NWD2: variants seen among roughly 807,000 people sequenced by gnomAD.
NWD2 encodes the protein NACHT and WD repeat domain containing 2.
NWD2 carries 37 observed loss-of-function variants against 132.7 expected under a neutral mutation model. That is an observed-to-expected ratio of 0.28 (90% CI 0.21 to 0.37). The LOEUF (loss-of-function observed/expected upper bound fraction) is 0.37, where lower values mean the gene tolerates loss of function less well. Ranked by LOEUF, NWD2 falls within the 10% of genes least tolerant of loss-of-function variation. The probability of loss-of-function intolerance (pLI) is 1.00; values close to 1 mark genes in which losing one functional copy is unlikely to be tolerated. For synonymous variants in NWD2, 705 were observed against 803.0 expected (o/e 0.88, Z 2.06); for missense variants, 1,592 against 2,122.4 (o/e 0.75, Z 4.91).
intron 6 of NWD2, among the ~76,000 whole-genome samples, chr4:37,441,247 G>T (rs1712477050): frequency 6.6e-6 from 1 of 152,164 alleles, no homozygotes; most frequent in African/African-American, 2.4e-5. Flanking sequence ...TGCATAAATT[G>T]TGTATGCATA....
chr4:37,387,927 G>A (rs145894420), intron 3 of NWD2, among the ~76,000 whole-genome samples: 1 of 149,612 alleles, frequency 6.7e-6, no homozygotes, highest in East Asian at 2.0e-4. Context: ...ACCTGCCTTG[G>A]CCTTGAAATA....
intron 1 of NWD2, among the ~76,000 whole-genome samples, chr4:37,309,502 G>A (rs1202714984): frequency 6.6e-6 from 1 of 152,184 alleles, no homozygotes; most frequent in East Asian, 1.9e-4. Flanking sequence ...CAGAGAAGCA[G>A]GCCCTTTGGG....
intron 1 of NWD2, among the ~76,000 whole-genome samples, chr4:37,308,829 G>A (rs540811967): frequency 6.6e-6 from 1 of 152,292 alleles, no homozygotes; most frequent in Non-Finnish European, 1.5e-5. Context: ...CTGGTACTCA[G>A]GCTTCTAAGG....
Position 37,444,513 on chromosome 4 carries a change from C to T in NWD2, c.2525C>T (p.Thr842Met), listed in dbSNP as rs74640092. 322 of 1,551,752 alleles carry T rather than the reference C, an allele frequency of 2.1e-4. No homozygotes were observed. The East Asian group carries it at 7.6e-3, about 37-fold the overall frequency. The change falls in exon 7 of 7, where the codon ACG (threonine) becomes ATG (methionine). Residue 842 changes from threonine (T) to methionine (M), a missense_variant. Thr to Met is a moderately conservative substitution (Grantham distance 81). This residue lies in a region of NWD2 where 1,071 missense variants were observed against 1,398.0 expected (regional missense o/e 0.77). Transcript: ENST00000309447. This position sits in a 1 kb window ranked among gnomAD's most constrained non-coding sequence, Gnocchi z 4.8. The stretch of plus-strand genomic sequence containing the variant: ...ATGTCTGAGCTGTTGTACCACTTGA[C>T]GAGGTGTGGAAAAACCGATGACCTG... ...RKMSELLYHL[T>M]RCGKTDDLLY...
chr4:37,343,982 A>C (rs1385200305), intron 2 of NWD2, among the ~76,000 whole-genome samples: 1 of 152,166 alleles, frequency 6.6e-6, no homozygotes, highest in East Asian at 1.9e-4. Context: ...TTTTTAAAAC[A>C]ACTGAGATGG....
chr4:37,443,984 A>T lies in NWD2; in HGVS notation c.1996A>T (p.Thr666Ser). 6.4e-7 allele frequency: 1 copy of T among 1,552,308 alleles called. No individual in the cohort carries two copies. Among genetic ancestry groups the T allele is most frequent in the Non-Finnish European group, 8.7e-7 (1 of 1,147,138 alleles). The change falls in exon 7 of 7, where the codon ACC (threonine) becomes TCC (serine). Residue 666 changes from threonine (T) to serine (S), a missense_variant. This residue lies in a region of NWD2 where 1,071 missense variants were observed against 1,398.0 expected (regional missense o/e 0.77). Coordinates refer to ENST00000309447, the MANE Select transcript of NWD2 (RefSeq NM_001144990.2). This position sits in a 1 kb window ranked among gnomAD's most constrained non-coding sequence, Gnocchi z 4.1. ...KLVSRALGYI[T>S]MAKMGLSEME... ...GGTCTCTAGGGCTCTTGGTTACATC[A>T]CCATGGCCAAAATGGGTCTGAGTGA... is the stretch of plus-strand genomic sequence containing the variant.
chr4:37,247,695 C>T (rs1459548482), intron 1 of NWD2, among the ~76,000 whole-genome samples: 2 of 151,088 alleles, frequency 1.3e-5, no homozygotes, highest in Non-Finnish European at 3.0e-5. Context: ...CTGCAACCTC[C>T]ACCTCCCGGC....
rs929670874 is a variant in NWD2, at chr4:37,446,664, G to A, written c.4676G>A (p.Arg1559Gln). ...NVLDLYSGKL[R>Q]VVHASGIIWR... Reference sequence around the variant, plus strand: ...CTAGATTTATACAGTGGTAAATTGCGGGTGGTTCACGCCTCTGGGATCATC... The same window carrying A: ...CTAGATTTATACAGTGGTAAATTGCAGGTGGTTCACGCCTCTGGGATCATC... Residue 1559 changes from arginine (R) to glutamine (Q), a missense_variant, in exon 7 of 7, where the codon CGG becomes CAG. By Grantham distance (43) the Arg-to-Gln change is conservative. This residue lies in a region of NWD2 where 257 missense variants were observed against 335.0 expected (regional missense o/e 0.77). Transcript: ENST00000309447. This position sits in a 1 kb window ranked among gnomAD's most constrained non-coding sequence, Gnocchi z 6.7. 8 of 1,551,300 alleles carry A rather than the reference G, an allele frequency of 5.2e-6. No homozygotes were observed. The highest frequency in any genetic ancestry group is 7.0e-6 in the Non-Finnish European group (8 of 1,146,980).
At chr4:37,383,525 A>G (rs1374873184) in intron 3 of NWD2, among the ~76,000 whole-genome samples, 1 of 152,018 alleles carries the variant, frequency 6.6e-6, no homozygotes, top group East Asian at 1.9e-4. Context: ...AATATGTCTC[A>G]TCTTGTCTGT....
intron 1 of NWD2, among the ~76,000 whole-genome samples, chr4:37,292,019 A>G (rs1718371432): frequency 6.6e-6 from 1 of 152,072 alleles, no homozygotes; most frequent in African/African-American, 2.4e-5. Flanking sequence ...AATTATCTGA[A>G]CAGGGCCACA....
intron 1 of NWD2, among the ~76,000 whole-genome samples, chr4:37,267,822 T>A (rs2109261945): frequency 1.3e-5 from 2 of 152,056 alleles, no homozygotes; most frequent in East Asian, 3.9e-4. Flanking sequence ...AAGGACTTCA[T>A]GTCTGTTGAG....
At chr4:37,392,543 C>T (rs937865660) in intron 3 of NWD2, among the ~76,000 whole-genome samples, 1 of 152,102 alleles carries the variant, frequency 6.6e-6, no homozygotes, top group African/African-American at 2.4e-5. Flanking sequence ...CAAAATGTCT[C>T]CTGGGGAGCA....
At chr4:37,344,315 G>A (rs993005443) in intron 2 of NWD2, among the ~76,000 whole-genome samples, 17 of 152,072 alleles carry the variant, frequency 1.1e-4, no homozygotes, top group Admixed American at 8.5e-4. Context: ...TATTTATTTC[G>A]TCAATGTCTT....
intron 3 of NWD2, among the ~76,000 whole-genome samples, chr4:37,386,881 G>A (rs951974114): frequency 1.3e-5 from 2 of 151,962 alleles, no homozygotes; most frequent in Non-Finnish European, 2.9e-5. Context: ...CTCTCTTTCC[G>A]TGTGTCATGT....
rs1314935965 is a variant in NWD2 at position 37,447,650 on chromosome 4, A to C, written c.*433A>C. The C allele has an allele frequency of 5.4e-6, 1 of 185,644 alleles. No individual in the cohort carries two copies. Among genetic ancestry groups the C allele is most frequent in the African/African-American group, 2.4e-5 (1 of 42,466 alleles). 11.5% of individuals were successfully genotyped at this position (185,644 alleles called of 1,614,324 possible). A position where few individuals can be genotyped will look rare whatever the true frequency, so the allele number is the denominator to read the frequency against. On this transcript the variant is annotated 3_prime_UTR_variant, in exon 7 of 7. Transcript: ENST00000309447. ...TTGTGTGATAAGTAAACACAGCCTT[A>C]ATCTCTCTTTACATTTTACAGTCCT...
At chr4:37,303,817 A>G (rs1718654272) in intron 1 of NWD2, among the ~76,000 whole-genome samples, 1 of 152,210 alleles carries the variant, frequency 6.6e-6, no homozygotes, top group African/African-American at 2.4e-5. Context: ...TATCAATTTT[A>G]AGAGTTATTT....
At chr4:37,290,143 A>T (rs535738422) in intron 1 of NWD2, among the ~76,000 whole-genome samples, 1 of 152,184 alleles carries the variant, frequency 6.6e-6, no homozygotes, top group Non-Finnish European at 1.5e-5. Context: ...AAGAAATTAG[A>T]TGTGCACACC....
chr4:37,394,166 T>C (rs1720733481), intron 3 of NWD2, among the ~76,000 whole-genome samples: 1 of 152,264 alleles, frequency 6.6e-6, no homozygotes, highest in South Asian at 2.1e-4. Flanking sequence ...ATAACCACAC[T>C]GAGCACTTAA....
At chr4:37,278,101 C>A (rs1434826950) in intron 1 of NWD2, among the ~76,000 whole-genome samples, 2 of 152,086 alleles carry the variant, frequency 1.3e-5, no homozygotes, top group Non-Finnish European at 2.9e-5. Context: ...AGTCCTCTGT[C>A]AATGACTGTG....
Sources: allele counts gnomAD v4.1 joint callset (sites outside exome capture counted in the v4.1 genomes callset), GRCh38; gene constraint gnomAD v4.1.1; regional missense constraint gnomAD v4.1.1; non-coding constraint Gnocchi (gnomAD v3.1); transcripts MANE v1.5; gene names NCBI Gene and HGNC (gene_info 2026-07-23, HGNC 2026-07-21).